ATP11B: variants seen among roughly 807,000 people sequenced by gnomAD.
ATP11B encodes the protein ATPase phospholipid transporting 11B (putative), also known as phospholipid-transporting ATPase IF.
In ATP11B, 81 loss-of-function variants were observed where a neutral mutation model predicts 157.8. The ratio of observed to expected loss-of-function variants is 0.51; its 90% CI spans 0.43 to 0.62. The LOEUF is 0.62. Among genes scored for constraint, ATP11B ranks in the 20% least tolerant of loss-of-function variants. ATP11B has a pLI of 0.00. For missense variants in ATP11B, 1,165 were observed against 1,402.2 expected (o/e 0.83, Z 2.70); for synonymous variants, 451 against 469.4 (o/e 0.96, Z 0.51).
rs572260239 is a variant in ATP11B at position 182,802,748 on chromosome 3, C to T, written c.27+8962C>T. ...TTCTCAGCACTTAATGCTATTTAACCTACTCCAAAACTTGCTAGTCTCATT... is the reference window on the plus strand; with the variant it reads ...TTCTCAGCACTTAATGCTATTTAACTTACTCCAAAACTTGCTAGTCTCATT... On this transcript the variant is annotated intron_variant, in intron 1 of 29. Coordinates refer to ENST00000323116, the MANE Select transcript of ATP11B (RefSeq NM_014616.3). Among the ~76,000 whole-genome samples, 11 of 152,224 alleles carry T rather than the reference C, an allele frequency of 7.2e-5. No individual in the cohort carries two copies. The East Asian group carries it at 2.1e-3, about 30-fold the overall frequency.
intron 19 of ATP11B, among the ~76,000 whole-genome samples, chr3:182,874,532 G>A (rs933133369): frequency 1.3e-5 from 2 of 151,934 alleles, no homozygotes; most frequent in Non-Finnish European, 2.9e-5. Flanking sequence ...TGTGGATAGG[G>A]GATTATTTTA....
At chr3:182,898,372 G>T (rs1723707308) in intron 27 of ATP11B, among the ~76,000 whole-genome samples, 3 of 152,048 alleles carry the variant, frequency 2.0e-5, no homozygotes, top group Admixed American at 2.0e-4. Flanking sequence ...CTACCACTAA[G>T]ATAGGGTTAT....
Position 182,917,015 on chromosome 3 carries a change from A to G in ATP11B, c.3453-1008A>G, listed in dbSNP as rs1037956000. On this transcript the variant is annotated intron_variant, in intron 29 of 29. Transcript: ENST00000323116. ...AGATGCTAGGGAGACAGTAGTGAAC[A>G]AGTCCTTCCCTAACCTAAGGTAGAT... is the stretch of plus-strand genomic sequence containing the variant. 1.3e-5 allele frequency: 13 copies of G among 985,204 alleles called. No individual in the cohort carries two copies. The African/African-American group carries it at 2.1e-4, about 16-fold the overall frequency. The allele number at this position is 985,204 out of a possible 1,614,324, so 61.0% of individuals were successfully genotyped here.
rs982443536 is a variant in ATP11B, at chr3:182,863,804, G to T, written c.1201-1652G>T. ...AGAATCCTCCATGACTGATAGTGCA[G>T]TCTGTATTCTAGTAACCTCTGAGTA... On this transcript the variant is annotated intron_variant, in intron 12 of 29. Transcript: ENST00000323116. Among the ~76,000 whole-genome samples the T allele has an allele frequency of 2.0e-5, 3 of 152,066 alleles. No individual in the cohort carries two copies. In the East Asian group the frequency reaches 5.8e-4, roughly 29 times the overall value.
intron 29 of ATP11B, chr3:182,917,202 A>G (rs1725197480): frequency 1.0e-6 from 1 of 985,376 alleles, no homozygotes; most frequent in Non-Finnish European, 1.2e-6. Context: ...GGAACCCTGG[A>G]AAAAGTTACA....
At chr3:182,915,337 G>T (rs1240443203) in intron 29 of ATP11B, 2 of 985,172 alleles carry the variant, frequency 2.0e-6, no homozygotes, top group Non-Finnish European at 2.4e-6. Flanking sequence ...ATACCATTTT[G>T]TAGTAATTTC....
chr3:182,863,634 A>C (rs1389322796), intron 12 of ATP11B, among the ~76,000 whole-genome samples: 1 of 152,042 alleles, frequency 6.6e-6, no homozygotes, highest in Non-Finnish European at 1.5e-5. Context: ...ATTATCCAAA[A>C]AACAACTCTT....
chr3:182,812,484 AC>A (rs967021183), intron 1 of ATP11B, among the ~76,000 whole-genome samples: 3 of 152,176 alleles, frequency 2.0e-5, no homozygotes, highest in African/African-American at 7.2e-5. Flanking sequence ...GCTTATAGAA[AC>A]CTTAAATTCT....
rs1253460661 is a variant in ATP11B, at chr3:182,919,025, G to GT, written c.*924dup. 5 of 152,024 alleles carry GT rather than the reference G, an allele frequency of 3.3e-5. No homozygotes were observed. The highest frequency in any genetic ancestry group is 5.9e-5 in the Non-Finnish European group (4 of 67,980). 9.4% of individuals were successfully genotyped at this position (152,024 alleles called of 1,614,324 possible). A position where few individuals can be genotyped will look rare whatever the true frequency, so the allele number is the denominator to read the frequency against. The stretch of plus-strand genomic sequence containing the variant: ...TAGTATTTCATGACATCGTTGTACA[G>GT]TTTAACTATATCAATAAAAAGTTTG... On this transcript the variant is annotated 3_prime_UTR_variant, in exon 30 of 30. Coordinates refer to ENST00000323116, the MANE Select transcript of ATP11B (RefSeq NM_014616.3).
intron 10 of ATP11B, among the ~76,000 whole-genome samples, chr3:182,854,609 C>T (rs534626306): frequency 1.3e-5 from 2 of 152,116 alleles, no homozygotes; most frequent in Non-Finnish European, 2.9e-5. Context: ...ATTACACTTT[C>T]TCAAAACTAA....
chr3:182,864,246 T>TAG (rs1484457386), intron 12 of ATP11B, among the ~76,000 whole-genome samples: 7 of 152,142 alleles, frequency 4.6e-5, no homozygotes, highest in Non-Finnish European at 1.0e-4. Context: ...CATGTTAACT[T>TAG]TTATTTCCCT....
chr3:182,887,112 C>T lies in ATP11B; in HGVS notation c.2716-474C>T, dbSNP rs539863542. Among the ~76,000 whole-genome samples, 6 of 152,110 alleles carry T rather than the reference C, an allele frequency of 3.9e-5. No individual in the cohort carries two copies. In the South Asian group the frequency reaches 1.2e-3, roughly 32 times the overall value. ...GTGACTGTTTAGAGGAGCAAGATAT[C>T]GTTAAGGACTTAAGCCATTGTGCAG... On this transcript the variant is annotated intron_variant, in intron 23 of 29. Coordinates refer to ENST00000323116, the MANE Select transcript of ATP11B (RefSeq NM_014616.3).
At chr3:182,846,401 T>C (rs1014725061) in intron 9 of ATP11B, among the ~76,000 whole-genome samples, 7 of 152,132 alleles carry the variant, frequency 4.6e-5, no homozygotes, top group Admixed American at 1.3e-4. Context: ...GCTGCTGCCT[T>C]GAAAAATAGT....
chr3:182,832,468 G>A (rs1718226647), intron 4 of ATP11B, among the ~76,000 whole-genome samples: 1 of 152,068 alleles, frequency 6.6e-6, no homozygotes, highest in Non-Finnish European at 1.5e-5. Flanking sequence ...TCCATATATT[G>A]TTCAGATTTA....
intron 28 of ATP11B, among the ~76,000 whole-genome samples, chr3:182,902,799 G>A (rs893426096): frequency 2.2e-4 from 34 of 151,898 alleles, no homozygotes; most frequent in African/African-American, 7.5e-4. Flanking sequence ...ACAGAACAGA[G>A]ATCTATACCT....
chr3:182,834,191 A>G (rs1314476212), intron 4 of ATP11B, among the ~76,000 whole-genome samples: 1 of 152,224 alleles, frequency 6.6e-6, no homozygotes, highest in African/African-American at 2.4e-5. Flanking sequence ...TTGACTTTCA[A>G]TTAAATTTCT....
chr3:182,813,015 G>A (rs1440586021), intron 1 of ATP11B, among the ~76,000 whole-genome samples: 1 of 152,060 alleles, frequency 6.6e-6, no homozygotes, highest in Non-Finnish European at 1.5e-5. Context: ...ATGTCCTTAA[G>A]GTTGATCCAT....
chr3:182,825,841 A>G (rs968756150), intron 2 of ATP11B, among the ~76,000 whole-genome samples: 1 of 152,168 alleles, frequency 6.6e-6, no homozygotes, highest in African/African-American at 2.4e-5. Flanking sequence ...CGGAGGTTGC[A>G]GTGGGCCAAG....
chr3:182,845,196 G>A (rs752133211), intron 8 of ATP11B, among the ~76,000 whole-genome samples: 5 of 151,842 alleles, frequency 3.3e-5, no homozygotes, highest in East Asian at 1.9e-4. Flanking sequence ...TAGCAGAGAC[G>A]GGGTTTCACC....
Sources: allele counts gnomAD v4.1 joint callset (sites outside exome capture counted in the v4.1 genomes callset), GRCh38; gene constraint gnomAD v4.1.1; transcripts MANE v1.5; gene names NCBI Gene and HGNC (gene_info 2026-07-23, HGNC 2026-07-21).